The following CD44 variants were observed in gnomAD, a reference collection of about 807,000 sequenced individuals.
CD44 encodes CD44 molecule (IN blood group).
A neutral mutation model predicts 88.8 loss-of-function variants in CD44; 49 were observed. The ratio of observed to expected loss-of-function variants is 0.55; its 90% CI spans 0.44 to 0.70. CD44 has a LOEUF of 0.70. CD44 is among the 30% of genes least tolerant of loss of function. The pLI is 0.00. For missense variants in CD44, 883 were observed against 913.8 expected (o/e 0.97, Z 0.43); for synonymous variants, 325 against 312.3 (o/e 1.04, Z -0.43).
chr11:35,166,542 G>A (rs992833656), intron 1 of CD44, among the ~76,000 whole-genome samples: 1 of 152,178 alleles, frequency 6.6e-6, no homozygotes, highest in Non-Finnish European at 1.5e-5. Context: ...TGGCTGAAGG[G>A]CCAGGGTAAC....
intron 7 of CD44, among the ~76,000 whole-genome samples, chr11:35,200,330 C>G (rs561976054): frequency 1.3e-5 from 2 of 152,268 alleles, no homozygotes; most frequent in African/African-American, 4.8e-5. Context: ...CCAGCCCTAA[C>G]AGATTGGGTG....
intron 1 of CD44, among the ~76,000 whole-genome samples, chr11:35,174,852 T>C (rs975471932): frequency 3.9e-5 from 6 of 152,204 alleles, no homozygotes; most frequent in African/African-American, 1.2e-4. Flanking sequence ...GGTACTGTTA[T>C]AGGGATTAGA....
At position 35,198,247 on chromosome 11, in the gene CD44, G is replaced by A. The variant is rs1445462726; in HGVS notation, c.922+1G>A. On this transcript the variant is annotated splice_donor_variant, in intron 7 of 17. Coordinates refer to ENST00000428726, the MANE Select transcript of CD44 (RefSeq NM_000610.4). LOFTEE classifies it high-confidence loss of function. ...GATGAAGATTTTATCTCCAGCACCAGTAAGAATAATCAATTACAGTACAGC... is the reference window on the plus strand; with the variant it reads ...GATGAAGATTTTATCTCCAGCACCAATAAGAATAATCAATTACAGTACAGC... 1 of 1,613,622 alleles carries A rather than the reference G, an allele frequency of 6.2e-7. No homozygotes were observed. Among genetic ancestry groups the A allele is most frequent in the East Asian group, 2.2e-5 (1 of 44,884 alleles).
chr11:35,197,120 C>T (rs78774421), intron 6 of CD44: 13,026 of 319,620 alleles, frequency 0.041, 1,537 homozygotes, highest in African/African-American at 0.25. Context: ...GACTATGAAA[C>T]GGGAATAAGT....
chr11:35,185,710 C>G (rs1043199112), intron 3 of CD44, among the ~76,000 whole-genome samples: 9 of 152,154 alleles, frequency 5.9e-5, no homozygotes, highest in Admixed American at 3.9e-4. Flanking sequence ...CACACACACA[C>G]AGAATAAAAG....
chr11:35,160,602 G>A (rs1199578639), intron 1 of CD44, among the ~76,000 whole-genome samples: 1 of 152,202 alleles, frequency 6.6e-6, no homozygotes, highest in East Asian at 1.9e-4. Flanking sequence ...CTGGGACTTA[G>A]AGATATTCAA....
At chr11:35,190,942 G>C (rs1445195125) in intron 5 of CD44, among the ~76,000 whole-genome samples, 2 of 152,188 alleles carry the variant, frequency 1.3e-5, no homozygotes, top group African/African-American at 4.8e-5. Context: ...AGCTCCACTG[G>C]AAAGTGTTTA....
At chr11:35,197,778 G>T (rs1946905835) in intron 6 of CD44, 1 of 194,660 alleles carries the variant, frequency 5.1e-6, no homozygotes, top group African/African-American at 2.3e-5. Context: ...TGATGGCTTG[G>T]CTTTAATGGC....
chr11:35,206,852 G>A (rs1947916153), intron 11 of CD44, among the ~76,000 whole-genome samples: 1 of 152,224 alleles, frequency 6.6e-6, no homozygotes, highest in East Asian at 1.9e-4. Context: ...GCACACATGA[G>A]TTTGCACATG....
chr11:35,149,880 G>A (rs1407549432), intron 1 of CD44, among the ~76,000 whole-genome samples: 2 of 152,240 alleles, frequency 1.3e-5, no homozygotes, highest in Non-Finnish European at 2.9e-5. Context: ...ATGGGCAAGA[G>A]TGTTGTAGGG....
Position 35,198,840 on chromosome 11 carries a change from G to A in CD44, c.922+594G>A, listed in dbSNP as rs979890685. Among the ~76,000 whole-genome samples, 7 of 151,880 alleles carry A rather than the reference G, an allele frequency of 4.6e-5. 1 individual carries two copies. The highest frequency in any genetic ancestry group is 3.3e-4 in the Admixed American group (5 of 15,248). On this transcript the variant is annotated intron_variant, in intron 7 of 17. Coordinates refer to ENST00000428726, the MANE Select transcript of CD44 (RefSeq NM_000610.4). The stretch of plus-strand genomic sequence containing the variant: ...AAAAAATACAAAAAATTAACCAGGC[G>A]TAGTGGCGGGTGCCTGTAGTCCTAG...
chr11:35,172,002 G>A (rs889634703), intron 1 of CD44, among the ~76,000 whole-genome samples: 1 of 151,932 alleles, frequency 6.6e-6, no homozygotes, highest in Non-Finnish European at 1.5e-5. Flanking sequence ...GAAGCTTTTC[G>A]ATACATTTTT....
rs1186991338 is a variant in CD44, at chr11:35,229,310, G to A, written c.2206G>A (p.Val736Met). 1 of 1,613,188 alleles carries A rather than the reference G, an allele frequency of 6.2e-7. No individual in the cohort carries two copies. Among genetic ancestry groups the A allele is most frequent in the Non-Finnish European group, 8.5e-7 (1 of 1,179,208 alleles). Residue 736 changes from valine to methionine, a missense_variant, in exon 18 of 18, where the codon GTG becomes ATG. Around this residue, in one of 2 missense-constraint regions of CD44, gnomAD observed 631 missense variants for 590.9 expected, o/e 1.07. Coordinates refer to ENST00000428726, the MANE Select transcript of CD44 (RefSeq NM_000610.4). ...TADETRNLQN[V>M]DMKIGV Reference sequence around the variant, plus strand: ...TGATGAGACAAGGAACCTGCAGAATGTGGACATGAAGATTGGGGTGTAACA... The same window carrying A: ...TGATGAGACAAGGAACCTGCAGAATATGGACATGAAGATTGGGGTGTAACA...
rs1412075074 is a variant in CD44, at chr11:35,230,669, TA to T, written c.*1337del. 6.6e-6 allele frequency: 1 copy of T among 152,150 alleles called. No homozygotes were observed. Among genetic ancestry groups the T allele is most frequent in the Non-Finnish European group, 1.5e-5 (1 of 68,004 alleles). The allele number at this position is 152,150 out of a possible 1,614,324, so 9.4% of individuals were successfully genotyped here. ...CCATCATTGGAATCTTATCACCAGA[TA>T]GGCAAGTTTATGACCAAACAAGAGA... On this transcript the variant is annotated 3_prime_UTR_variant, in exon 18 of 18. Coordinates refer to ENST00000428726, the MANE Select transcript of CD44 (RefSeq NM_000610.4).
At position 35,177,760 on chromosome 11, in the gene CD44, A is replaced by G. The variant is rs1473732094; in HGVS notation, c.233+1020A>G. On this transcript the variant is annotated intron_variant, in intron 2 of 17. Transcript: ENST00000428726. ...AAGGGAAAAGGAAAGTCTTTTGCCT[A>G]AAATTGCCCTGTCTGATATGGTAGC... Among the ~76,000 whole-genome samples, 3 of 152,240 alleles carry G rather than the reference A, an allele frequency of 2.0e-5. No individual in the cohort carries two copies. In the East Asian group the frequency reaches 5.8e-4, roughly 29 times the overall value.
At chr11:35,166,535 C>T (rs1181262015) in intron 1 of CD44, among the ~76,000 whole-genome samples, 1 of 152,186 alleles carries the variant, frequency 6.6e-6, no homozygotes, top group Non-Finnish European at 1.5e-5. Flanking sequence ...GTGGCCTTGG[C>T]TGAAGGGCCA....
chr11:35,196,710 A>G (rs532485979), intron 5 of CD44, 36 bp from the exon 6 acceptor site: 22 of 1,606,332 alleles, frequency 1.4e-5, no homozygotes, highest in Non-Finnish European at 1.8e-5. Flanking sequence ...CCGTTAATTA[A>G]TCTTTCAACA....
At chr11:35,154,062 A>G (rs1020800809) in intron 1 of CD44, among the ~76,000 whole-genome samples, 9 of 152,200 alleles carry the variant, frequency 5.9e-5, no homozygotes, top group African/African-American at 2.2e-4. Context: ...ATTTGGGGAG[A>G]AGGGAAACAA....
intron 16 of CD44, 57 bp downstream of exon 16, chr11:35,219,444 C>A: frequency 1.6e-6 from 2 of 1,284,406 alleles, no homozygotes; most frequent in Admixed American, 1.7e-5. Flanking sequence ...CTCAGAATGT[C>A]CCAGCAAGGA....
Sources: allele counts gnomAD v4.1 joint callset (sites outside exome capture counted in the v4.1 genomes callset), GRCh38; gene constraint gnomAD v4.1.1; regional missense constraint gnomAD v4.1.1; transcripts MANE v1.5; gene names NCBI Gene and HGNC (gene_info 2026-07-23, HGNC 2026-07-21).